The following SFXN5 variants were observed in gnomAD, a reference collection of about 807,000 sequenced individuals.
The protein encoded by SFXN5 is sideroflexin 5, also known as sideroflexin-5.
A neutral mutation model predicts 50.2 loss-of-function variants in SFXN5; 43 were observed. The ratio of observed to expected loss-of-function variants is 0.86; its 90% CI spans 0.67 to 1.11. The LOEUF (loss-of-function observed/expected upper bound fraction) is 1.11, where lower values mean the gene tolerates loss of function less well. Ranked by LOEUF, SFXN5 falls within the 50% of genes least tolerant of loss-of-function variation. The probability of loss-of-function intolerance (pLI) is 0.00; values close to 1 mark genes in which losing one functional copy is unlikely to be tolerated. For missense variants in SFXN5, 463 were observed against 454.1 expected (o/e 1.02, Z -0.18); for synonymous variants, 203 against 185.8 (o/e 1.09, Z -0.75).
At chr2:73,036,564 C>T (rs984348095) in intron 3 of SFXN5, among the ~76,000 whole-genome samples, 1 of 152,278 alleles carries the variant, frequency 6.6e-6, no homozygotes, top group Middle Eastern at 3.4e-3. Flanking sequence ...GGACAGAAAA[C>T]AAAGGAGGCC....
chr2:73,021,384 T>C (rs946785810), intron 5 of SFXN5, among the ~76,000 whole-genome samples: 12 of 152,148 alleles, frequency 7.9e-5, no homozygotes, highest in African/African-American at 2.9e-4. Flanking sequence ...CTCGGGAGGC[T>C]GAGGCAGGAG....
At chr2:73,060,191 G>C (rs936465616) in intron 1 of SFXN5, among the ~76,000 whole-genome samples, 1 of 152,126 alleles carries the variant, frequency 6.6e-6, no homozygotes, top group Non-Finnish European at 1.5e-5. Context: ...CTGGGGTAGG[G>C]AGGGTACAAG....
intron 1 of SFXN5, chr2:73,059,127 A>G: frequency 1.0e-6 from 1 of 984,128 alleles, no homozygotes; most frequent in Non-Finnish European, 1.2e-6. Context: ...ACAGCCCTGT[A>G]GCTGCTGAAG....
chr2:73,041,014 C>G (rs1679560825), intron 2 of SFXN5, 83 bp from the exon 3 acceptor site: 1 of 1,087,320 alleles, frequency 9.2e-7, no homozygotes, highest in Non-Finnish European at 1.3e-6. Flanking sequence ...ACATCAGTAT[C>G]AAATACTGCC....
At chr2:72,987,206 TG>T (rs2105567466) in intron 10 of SFXN5, among the ~76,000 whole-genome samples, 1 of 152,112 alleles carries the variant, frequency 6.6e-6, no homozygotes, top group African/African-American at 2.4e-5. Flanking sequence ...TCCAACTCCC[TG>T]GTTCAAGCCA....
intron 6 of SFXN5, among the ~76,000 whole-genome samples, chr2:73,005,038 A>C (rs1296633643): frequency 3.3e-5 from 5 of 152,170 alleles, no homozygotes; most frequent in Admixed American, 2.0e-4. Flanking sequence ...CCCAGCTTCA[A>C]TGCCAGTGGA....
chr2:73,051,257 CTTTTTTTT>C (rs35074891), intron 2 of SFXN5, among the ~76,000 whole-genome samples: 1 of 114,790 alleles, frequency 8.7e-6, no homozygotes, highest in African/African-American at 3.5e-5. Flanking sequence ...TTTTCCAGCA[CTTTTTTTT>C]TTTTTTTTTT....
chr2:72,975,857 A>G (rs986501578), intron 10 of SFXN5, among the ~76,000 whole-genome samples: 2 of 152,270 alleles, frequency 1.3e-5, no homozygotes, highest in African/African-American at 4.8e-5. Context: ...GCAATTAAAG[A>G]CAGTAGAAAT....
At chr2:72,972,235 T>C (rs1163739168) in intron 10 of SFXN5, among the ~76,000 whole-genome samples, 3 of 152,112 alleles carry the variant, frequency 2.0e-5, no homozygotes, top group Non-Finnish European at 2.9e-5. Flanking sequence ...CCCCTCATCA[T>C]ATGGATGGAA....
intron 10 of SFXN5, among the ~76,000 whole-genome samples, chr2:72,976,394 C>G (rs145162418): frequency 1.4e-3 from 210 of 152,142 alleles, no homozygotes; most frequent in African/African-American, 4.9e-3. Context: ...ACTTAGGTAC[C>G]TACAACATGT....
At chr2:72,978,663 G>T (rs947814042) in intron 10 of SFXN5, among the ~76,000 whole-genome samples, 2 of 151,988 alleles carry the variant, frequency 1.3e-5, no homozygotes, top group Non-Finnish European at 2.9e-5. Flanking sequence ...GACCCTGCAG[G>T]TTGGGTAAAT....
chr2:73,000,612 C>T (rs1264785012), intron 7 of SFXN5, 125 bp from the exon 8 acceptor site: 3 of 888,520 alleles, frequency 3.4e-6, no homozygotes, highest in South Asian at 1.6e-5. Context: ...CACATGGTGC[C>T]GCCCATGCTG....
chr2:73,006,772 C>T (rs779550768), intron 6 of SFXN5, among the ~76,000 whole-genome samples: 24 of 152,196 alleles, frequency 1.6e-4, no homozygotes, highest in Non-Finnish European at 3.1e-4. Flanking sequence ...AAATTCTGTA[C>T]CATTATGAAT....
chr2:72,985,615 A>C (rs1490641127), intron 10 of SFXN5, among the ~76,000 whole-genome samples: 5 of 152,098 alleles, frequency 3.3e-5, no homozygotes, highest in African/African-American at 9.7e-5. Context: ...GCAGGTACCC[A>C]GCCAGGACTC....
chr2:73,013,632 G>A (rs921263406), intron 6 of SFXN5, among the ~76,000 whole-genome samples: 2 of 151,766 alleles, frequency 1.3e-5, no homozygotes, highest in Non-Finnish European at 2.9e-5. Context: ...GTAGTTTCAG[G>A]GCAACGACAT....
chr2:72,976,385 C>T (rs1425342859), intron 10 of SFXN5, among the ~76,000 whole-genome samples: 2 of 152,108 alleles, frequency 1.3e-5, no homozygotes, highest in African/African-American at 4.8e-5. Context: ...GGGTCCCACA[C>T]TTAGGTACCT....
chr2:73,051,171 G>A (rs1681263386), intron 2 of SFXN5, among the ~76,000 whole-genome samples: 1 of 151,902 alleles, frequency 6.6e-6, no homozygotes, highest in South Asian at 2.1e-4. Context: ...TAAAAGGAAG[G>A]AGGCTTTCCC....
chr2:72,951,160 C>T (rs1035462644), intron 13 of SFXN5, among the ~76,000 whole-genome samples: 3 of 152,184 alleles, frequency 2.0e-5, no homozygotes, highest in African/African-American at 7.2e-5. Context: ...TCACCCTGCC[C>T]TGCCATGAAG....
At position 73,071,642 on chromosome 2, in the gene SFXN5, C is replaced by T. The variant is rs1176017749; in HGVS notation, c.64G>A (p.Ala22Thr). 8 of 1,613,640 alleles carry T rather than the reference C, an allele frequency of 5.0e-6. No homozygotes were observed. The highest frequency in any genetic ancestry group is 3.3e-5 in the Admixed American group (2 of 59,994). The change falls in exon 1 of 14, where the codon GCA (alanine) becomes ACA (threonine). Residue 22 changes from alanine (A) to threonine (T), a missense_variant. Physicochemically the swap from Ala to Thr is moderately conservative, Grantham distance 58. Coordinates refer to ENST00000272433, the MANE Select transcript of SFXN5 (RefSeq NM_144579.3). The part of the protein sequence containing the change: ...AASAASASSD[A>T]PPFQLGKPRF... ...GGTTTGCCCAGTTGGAAAGGAGGTG[C>T]ATCGCTCGAGGCGCTAGCGGCACTA...
Sources: allele counts gnomAD v4.1 joint callset (sites outside exome capture counted in the v4.1 genomes callset), GRCh38; gene constraint gnomAD v4.1.1; transcripts MANE v1.5; gene names NCBI Gene and HGNC (gene_info 2026-07-23, HGNC 2026-07-21).